DOT1L: variants seen among roughly 807,000 people sequenced by gnomAD.
DOT1L encodes histone-lysine N-methyltransferase, H3 lysine-79 specific.
In DOT1L, 33 loss-of-function variants were observed where a neutral mutation model predicts 153.3. That is an observed-to-expected ratio of 0.22 (90% CI 0.16 to 0.29). The LOEUF (loss-of-function observed/expected upper bound fraction) is 0.29. Among genes scored for constraint, DOT1L ranks in the 10% least tolerant of loss-of-function variants. DOT1L has a pLI of 1.00. For synonymous variants in DOT1L, 1,135 were observed against 965.1 expected, an observed-to-expected ratio of 1.18 and a Z score of -3.26; for missense variants, 1,847 against 2,119.9, an observed-to-expected ratio of 0.87 and a Z score of 2.53.
At chr19:2,229,036 C>T (rs946718948) in intron 27 of DOT1L, 16 of 985,450 alleles carry the variant, frequency 1.6e-5, no homozygotes, top group Middle Eastern at 5.2e-4. Context: ...GGCCACACTG[C>T]CCTGTGGTCA....
At chr19:2,188,747 C>T (rs1438588232) in intron 3 of DOT1L, among the ~76,000 whole-genome samples, 1 of 152,184 alleles carries the variant, frequency 6.6e-6, no homozygotes, top group African/African-American at 2.4e-5. Context: ...ACGCTGTTGT[C>T]CACATTTTGC....
At position 2,217,218 on chromosome 19, in the gene DOT1L, G is replaced by T; in HGVS notation, c.2544+128G>T. On this transcript the variant is annotated intron_variant, in intron 21 of 27. Coordinates refer to ENST00000398665, the MANE Select transcript of DOT1L (RefSeq NM_032482.3). The surrounding 1 kb of genome is among the most constrained non-coding windows in gnomAD (Gnocchi z 7.3). The stretch of plus-strand genomic sequence containing the variant: ...GGTGAGGTACTGGGGCTGACCTGGA[G>T]TAGGATGTTGTGGCAGAGTTGGGGG... 7.6e-7 allele frequency: 1 copy of T among 1,318,196 alleles called. No homozygotes were observed. Among genetic ancestry groups the T allele is most frequent in the Non-Finnish European group, 1.0e-6 (1 of 997,328 alleles). 81.7% of individuals were successfully genotyped at this position (1,318,196 alleles called of 1,614,324 possible).
At chr19:2,200,328 G>C (rs1432868341) in intron 8 of DOT1L, among the ~76,000 whole-genome samples, 1 of 151,282 alleles carries the variant, frequency 6.6e-6, no homozygotes, top group Non-Finnish European at 1.5e-5. Context: ...GCACTATGAG[G>C]GCTGCTCGAG....
At chr19:2,178,784 C>G (rs1210011102) in intron 1 of DOT1L, among the ~76,000 whole-genome samples, 2 of 152,090 alleles carry the variant, frequency 1.3e-5, no homozygotes, top group African/African-American at 4.8e-5. Flanking sequence ...CCAGGATGGT[C>G]TCTATCTCCT....
intron 2 of DOT1L, among the ~76,000 whole-genome samples, chr19:2,181,536 C>T (rs1236392242): frequency 1.9e-4 from 29 of 152,212 alleles, no homozygotes. Context: ...ACCTCCCTGG[C>T]CAGGTTGTTT....
chr19:2,183,846 C>T lies in DOT1L; in HGVS notation c.126-2009C>T, dbSNP rs561348366. Among the ~76,000 whole-genome samples the T allele has an allele frequency of 1.5e-4, 23 of 152,144 alleles. No homozygotes were observed. In the East Asian group the frequency reaches 1.5e-3, roughly 10 times the overall value. ...TTCACCATGTTGATCAGGCTGGTCT[C>T]GAACTCCTGACCTCGTGATCCGCCT... On this transcript the variant is annotated intron_variant, in intron 2 of 27. Transcript: ENST00000398665.
At position 2,210,501 on chromosome 19, in the gene DOT1L, C is replaced by A. The variant is rs768208406; in HGVS notation, c.1107C>A (p.Asp369Glu). The change falls in exon 13 of 28, where the codon GAC (aspartate) becomes GAA (glutamate). Residue 369 changes from aspartate (D) to glutamate (E), a missense_variant. By Grantham distance (45) the Asp-to-Glu change is conservative. Around this residue, in one of 8 missense-constraint regions of DOT1L, gnomAD observed 205 missense variants for 203.1 expected, o/e 1.01. Coordinates refer to ENST00000398665, the MANE Select transcript of DOT1L (RefSeq NM_032482.3). ...GPEGKVAGPADAPMDSGAEEE... is the reference protein window; with the variant it reads ...GPEGKVAGPAEAPMDSGAEEE... ...AGGGCAAGGTGGCCGGCCCCGCCGA[C>A]GCCCCCATGGTAAGGCCCCAGCCTG... is the stretch of plus-strand genomic sequence containing the variant. 1.3e-6 allele frequency: 2 copies of A among 1,595,224 alleles called. No individual in the cohort carries two copies. Among genetic ancestry groups the A allele is most frequent in the Admixed American group, 1.7e-5 (1 of 58,214 alleles).
intron 8 of DOT1L, among the ~76,000 whole-genome samples, chr19:2,200,869 G>A (rs2023235702): frequency 7.7e-6 from 1 of 130,206 alleles, no homozygotes; most frequent in African/African-American, 3.0e-5. Flanking sequence ...CATCTTCCCT[G>A]TATTCCTCTT....
chr19:2,225,302 C>G, intron 25 of DOT1L, 86 bp from the exon 26 acceptor site: 1 of 1,339,222 alleles, frequency 7.5e-7, no homozygotes, highest in East Asian at 2.3e-5. Context: ...ACCTCCGGAG[C>G]TCCCTGGGCT....
rs567275492 is a variant in DOT1L, at chr19:2,227,032, C to T, written c.4511C>T (p.Ala1504Val). ...LQSLFSSVPA[A>V]AGLVHVSSAA... ...TCGCTGTTCAGCTCTGTGCCGGCCGCCGCAGGCCTGGTGCACGTGTCGTCC... is the reference window on the plus strand; with the variant it reads ...TCGCTGTTCAGCTCTGTGCCGGCCGTCGCAGGCCTGGTGCACGTGTCGTCC... Residue 1504 changes from alanine (A) to valine (V), a missense_variant, in exon 27 of 28, where the codon GCC becomes GTC. By Grantham distance (64) the Ala-to-Val change is moderately conservative. Transcript: ENST00000398665. The T allele has an allele frequency of 1.9e-6, 3 of 1,583,570 alleles. No homozygotes were observed. In the South Asian group the frequency reaches 3.4e-5, roughly 18 times the overall value.
chr19:2,221,639 G>A lies in DOT1L; in HGVS notation c.2807-337G>A, dbSNP rs1012328464. The A allele has an allele frequency of 2.5e-5, 9 of 361,046 alleles. No homozygotes were observed. In the Admixed American group the frequency reaches 3.0e-4, roughly 12 times the overall value. The allele number at this position is 361,046 out of a possible 1,614,324, so 22.4% of individuals were successfully genotyped here. A position where few individuals can be genotyped will look rare whatever the true frequency, so the allele number is the denominator to read the frequency against. On this transcript the variant is annotated intron_variant, in intron 23 of 27. Coordinates refer to ENST00000398665, the MANE Select transcript of DOT1L (RefSeq NM_032482.3). The stretch of plus-strand genomic sequence containing the variant: ...TGGGCTTTCCTCATGGTGTCTCTGA[G>A]ATCACGGGGCCAGAGGGCAACTTAC...
Position 2,164,133 on chromosome 19 carries a change from G to T in DOT1L, c.-52G>T, listed in dbSNP as rs1345337777. The T allele has an allele frequency of 4.6e-6, 2 of 431,318 alleles. No homozygotes were observed. The highest frequency in any genetic ancestry group is 5.4e-6 in the Non-Finnish European group (2 of 369,626). The allele number at this position is 431,318 out of a possible 1,614,324, so 26.7% of individuals were successfully genotyped here. On this transcript the variant is annotated 5_prime_UTR_variant, in exon 1 of 28. Coordinates refer to ENST00000398665, the MANE Select transcript of DOT1L (RefSeq NM_032482.3). ...CCCTCCTCCGCCCACCGGCGGCCCC[G>T]CCCCTCCCCCAACCGCCCGCCTAGC...
Position 2,232,333 on chromosome 19 carries a change from C to T in DOT1L, c.*2541C>T. 1 of 206,716 alleles carries T rather than the reference C, an allele frequency of 4.8e-6. No homozygotes were observed. The highest frequency in any genetic ancestry group is 7.2e-5 in the East Asian group (1 of 13,848). 12.8% of individuals were successfully genotyped at this position (206,716 alleles called of 1,614,324 possible). On this transcript the variant is annotated 3_prime_UTR_variant, in exon 28 of 28. Transcript: ENST00000398665. ...GTCAGTCTGTTCAGTGGTCAGCAGGCCCCCCACCCCCCGCCGACTGCCCTC... is the reference window on the plus strand; with the variant it reads ...GTCAGTCTGTTCAGTGGTCAGCAGGTCCCCCACCCCCCGCCGACTGCCCTC...
chr19:2,201,103 G>A (rs560598057), intron 8 of DOT1L, among the ~76,000 whole-genome samples: 2 of 97,492 alleles, frequency 2.1e-5, no homozygotes, highest in East Asian at 6.2e-4. Flanking sequence ...CGTCCTCCCC[G>A]CATTCCTCGT....
chr19:2,172,804 A>AT (rs2021714549), intron 1 of DOT1L, among the ~76,000 whole-genome samples: 1 of 151,626 alleles, frequency 6.6e-6, no homozygotes, highest in South Asian at 2.1e-4. Flanking sequence ...GCCTGGCAAT[A>AT]TTTTTCCTCT....
At chr19:2,214,678 G>A in intron 19 of DOT1L, 82 bp downstream of exon 19, 2 of 1,538,750 alleles carry the variant, frequency 1.3e-6, no homozygotes, top group Non-Finnish European at 1.8e-6. Context: ...GCCTAGGGTG[G>A]TTGCGGTTGC....
At chr19:2,200,180 TC>T (rs750067310) in intron 8 of DOT1L, among the ~76,000 whole-genome samples, 1 of 152,124 alleles carries the variant, frequency 6.6e-6, no homozygotes, top group Admixed American at 6.5e-5. Flanking sequence ...GTGAGCCCGT[TC>T]CTGCTGCCTG....
intron 27 of DOT1L, chr19:2,228,598 G>A (rs1341785321): frequency 3.0e-6 from 3 of 985,256 alleles, no homozygotes; most frequent in African/African-American, 3.5e-5. Flanking sequence ...CCAGCTGCCC[G>A]CAGCTGGGTT....
chr19:2,226,556 C>G lies in DOT1L; in HGVS notation c.4035C>G (p.Ala1345=), dbSNP rs754629815. 3.7e-6 allele frequency: 6 copies of G among 1,600,420 alleles called. No individual in the cohort carries two copies. Among genetic ancestry groups the G allele is most frequent in the Non-Finnish European group, 5.1e-6 (6 of 1,179,060 alleles). Residue 1345 remains alanine (A), a synonymous_variant, in exon 27 of 28, where the codon GCC becomes GCG. Coordinates refer to ENST00000398665, the MANE Select transcript of DOT1L (RefSeq NM_032482.3). Reference sequence around the variant, plus strand: ...TTCCCCACAAGGGCCCCGAGGCGGCCGGCCTGAGCTCCCCGCTGAGCTTCC... The same window carrying G: ...TTCCCCACAAGGGCCCCGAGGCGGCGGGCCTGAGCTCCCCGCTGAGCTTCC... ...ASLPHKGPEA[A]GLSSPLSFPS...
Sources: gnomAD v4.1 joint callset for allele counts (sites outside exome capture counted in the v4.1 genomes callset) on GRCh38, gnomAD v4.1.1 for gene constraint, gnomAD v4.1.1 regional missense constraint, Gnocchi (gnomAD v3.1) non-coding constraint, MANE v1.5 for transcripts, NCBI Gene and HGNC (gene_info 2026-07-23, HGNC 2026-07-21) for gene names.